HS6ST3: variants seen among roughly 807,000 people sequenced by gnomAD.
HS6ST3 encodes the protein heparan-sulfate 6-O-sulfotransferase 3.
In HS6ST3, 12 loss-of-function variants were observed where a neutral mutation model predicts 36.7. The observed-to-expected ratio is 0.33, with a 90% confidence interval of 0.21 to 0.53. HS6ST3 has a LOEUF of 0.53. Ranked by LOEUF, HS6ST3 falls within the 20% of genes least tolerant of loss-of-function variation. HS6ST3 has a pLI of 0.95. For synonymous variants in HS6ST3, 240 were observed against 257.5 expected (o/e 0.93, Z 0.65); for missense variants, 584 against 640.9 (o/e 0.91, Z 0.96).
chr13:96,537,602 A>C (rs1321738921), intron 1 of HS6ST3, among the ~76,000 whole-genome samples: 1 of 152,194 alleles, frequency 6.6e-6, no homozygotes. Context: ...AACATCTCTA[A>C]GGATAGGGGA....
intron 1 of HS6ST3, among the ~76,000 whole-genome samples, chr13:96,533,000 G>A (rs1416967170): frequency 6.6e-6 from 1 of 152,158 alleles, no homozygotes; most frequent in Non-Finnish European, 1.5e-5. Flanking sequence ...CCAGGAGGTG[G>A]TTTGCACGCA....
intron 1 of HS6ST3, among the ~76,000 whole-genome samples, chr13:96,403,684 T>C (rs1299951589): frequency 6.6e-6 from 1 of 152,212 alleles, no homozygotes; most frequent in Non-Finnish European, 1.5e-5. Context: ...AGCAACTGTA[T>C]GTTTTCGGGG....
intron 1 of HS6ST3, among the ~76,000 whole-genome samples, chr13:96,799,940 GTGTGTATATATATATATATATA>G (rs1257643660): frequency 3.1e-5 from 3 of 97,988 alleles, no homozygotes; most frequent in South Asian, 6.7e-4. Flanking sequence ...ACATATATGT[GTGTGTATATATATATATATATA>G]TGTGTATATA....
intron 1 of HS6ST3, among the ~76,000 whole-genome samples, chr13:96,286,268 C>G (rs895132151): frequency 1.3e-5 from 2 of 152,102 alleles, no homozygotes; most frequent in African/African-American, 2.4e-5. Flanking sequence ...CCTTCTTTTT[C>G]TGCTTTAACG....
In HS6ST3 at chr13:96,606,335, G is replaced by T. The variant is rs1362599260; in HGVS notation, c.708-226155G>T. 2.0e-5 allele frequency among the ~76,000 whole-genome samples: 3 copies of T among 152,034 alleles called. No homozygotes were observed. In the East Asian group the frequency reaches 5.8e-4, roughly 29 times the overall value. ...AGAATCAACTTATATGCCCATCAGT[G>T]GTGGACTTGATAGAGAAAACATGGT... On this transcript the variant is annotated intron_variant, in intron 1 of 1. Transcript: ENST00000376705.
At chr13:96,387,671 C>T (rs578112455) in intron 1 of HS6ST3, among the ~76,000 whole-genome samples, 2 of 152,284 alleles carry the variant, frequency 1.3e-5, no homozygotes, top group East Asian at 3.9e-4. Context: ...TGTTTACAGT[C>T]ATGGACCAAC....
chr13:96,177,404 A>T (rs2054217627), intron 1 of HS6ST3, among the ~76,000 whole-genome samples: 1 of 152,200 alleles, frequency 6.6e-6, no homozygotes, highest in African/African-American at 2.4e-5. Flanking sequence ...GGATAAGGAA[A>T]ATGTGGTACA....
intron 1 of HS6ST3, among the ~76,000 whole-genome samples, chr13:96,128,541 G>A (rs1161599112): frequency 6.6e-6 from 1 of 152,158 alleles, no homozygotes; most frequent in East Asian, 1.9e-4. Context: ...CTACTTTGGT[G>A]CAAAGCTCAT....
intron 1 of HS6ST3, among the ~76,000 whole-genome samples, chr13:96,656,453 A>G (rs2056625129): frequency 6.6e-6 from 1 of 152,176 alleles, no homozygotes. Context: ...TCATGTTCCA[A>G]GAGATATGAC....
At chr13:96,374,843 C>T (rs979129592) in intron 1 of HS6ST3, among the ~76,000 whole-genome samples, 1 of 152,080 alleles carries the variant, frequency 6.6e-6, no homozygotes, top group African/African-American at 2.4e-5. Context: ...CCTCCAACTC[C>T]AAAATTCTAT....
At chr13:96,619,059 A>G (rs1471529601) in intron 1 of HS6ST3, among the ~76,000 whole-genome samples, 1 of 151,932 alleles carries the variant, frequency 6.6e-6, no homozygotes, top group East Asian at 1.9e-4. Flanking sequence ...GTTGCTTAAG[A>G]TTCAAATGAT....
chr13:96,318,301 G>A (rs2054986140), intron 1 of HS6ST3, among the ~76,000 whole-genome samples: 1 of 152,170 alleles, frequency 6.6e-6, no homozygotes, highest in African/African-American at 2.4e-5. Flanking sequence ...GGAGGCTGAG[G>A]CAGGTGGATC....
intron 1 of HS6ST3, among the ~76,000 whole-genome samples, chr13:96,097,792 C>T (rs952429785): frequency 1.3e-5 from 2 of 152,196 alleles, no homozygotes; most frequent in African/African-American, 4.8e-5. Context: ...AATACAGTTG[C>T]TCAGTTGCTC....
At chr13:96,599,345 A>G (rs531348544) in intron 1 of HS6ST3, among the ~76,000 whole-genome samples, 3 of 151,648 alleles carry the variant, frequency 2.0e-5, no homozygotes, top group African/African-American at 7.3e-5. Context: ...CAAAATTTCT[A>G]TTTCTTCCTG....
At chr13:96,295,752 A>G (rs2054851926) in intron 1 of HS6ST3, among the ~76,000 whole-genome samples, 1 of 152,168 alleles carries the variant, frequency 6.6e-6, no homozygotes, top group African/African-American at 2.4e-5. Context: ...ATCAGCATAC[A>G]CTACGTTAAC....
chr13:96,568,230 T>G (rs765929299), intron 1 of HS6ST3, among the ~76,000 whole-genome samples: 4 of 152,196 alleles, frequency 2.6e-5, no homozygotes, highest in African/African-American at 4.8e-5. Flanking sequence ...TGTGATATAT[T>G]CATACTTCAG....
chr13:96,663,929 G>A (rs1348077674), intron 1 of HS6ST3, among the ~76,000 whole-genome samples: 1 of 152,060 alleles, frequency 6.6e-6, no homozygotes, highest in Non-Finnish European at 1.5e-5. Flanking sequence ...TCCATAAAAG[G>A]CATATTTATG....
chr13:96,306,056 C>G (rs1334191269), intron 1 of HS6ST3, among the ~76,000 whole-genome samples: 2 of 151,132 alleles, frequency 1.3e-5, no homozygotes, highest in East Asian at 3.9e-4. Context: ...CTCAGCCTCC[C>G]GAGTAGCTGG....
intron 1 of HS6ST3, among the ~76,000 whole-genome samples, chr13:96,747,278 G>A (rs1876584291): frequency 6.6e-6 from 1 of 151,058 alleles, no homozygotes; most frequent in Non-Finnish European, 1.5e-5. Flanking sequence ...AACAAATGCA[G>A]CATAAGGCTG....
Sources: gnomAD v4.1 joint callset for allele counts (sites outside exome capture counted in the v4.1 genomes callset) on GRCh38, gnomAD v4.1.1 for gene constraint, MANE v1.5 for transcripts, NCBI Gene and HGNC (gene_info 2026-07-23, HGNC 2026-07-21) for gene names.